The following MDFIC2 variants were observed in gnomAD, a reference collection of about 807,000 sequenced individuals.
The protein encoded by MDFIC2 is MyoD family inhibitor domain containing 2, also known as myoD family inhibitor domain-containing protein 2.
At chr3:70,237,265 A>T (rs1329672594) in intron 2 of MDFIC2, among the ~76,000 whole-genome samples, 1 of 152,222 alleles carries the variant, frequency 6.6e-6, no homozygotes, top group Non-Finnish European at 1.5e-5. Flanking sequence ...GAATTACTGC[A>T]TCATATTCTC....
At chr3:70,287,508 T>C (rs1416257145) in intron 2 of MDFIC2, among the ~76,000 whole-genome samples, 3 of 152,032 alleles carry the variant, frequency 2.0e-5, no homozygotes, top group South Asian at 4.2e-4. Flanking sequence ...AGGATATTGG[T>C]CTAAAATTCT....
At chr3:70,244,062 A>T (rs1384143148) in intron 2 of MDFIC2, among the ~76,000 whole-genome samples, 3 of 152,112 alleles carry the variant, frequency 2.0e-5, no homozygotes, top group African/African-American at 7.2e-5. Context: ...CAGATTTTCC[A>T]CCGTAACTAC....
chr3:70,309,861 G>C (rs907038337), intron 2 of MDFIC2, among the ~76,000 whole-genome samples: 5 of 152,116 alleles, frequency 3.3e-5, no homozygotes, highest in African/African-American at 1.2e-4. Flanking sequence ...AGATTTTATA[G>C]ATTACAAGAA....
chr3:70,305,076 C>T (rs1702386834), intron 2 of MDFIC2, among the ~76,000 whole-genome samples: 1 of 152,098 alleles, frequency 6.6e-6, no homozygotes, highest in African/African-American at 2.4e-5. Context: ...CTTCCTTGAC[C>T]ACTGATTCTA....
rs145687345 is a variant in MDFIC2, at chr3:70,240,377, A to C, written c.89-33587T>G. Among the ~76,000 whole-genome samples the C allele has an allele frequency of 5.2e-3, 798 of 152,208 alleles. 10 individuals carry two copies. The highest frequency in any genetic ancestry group is 0.018 in the African/African-American group (759 of 41,548). On this transcript the variant is annotated intron_variant, in intron 2 of 3. Transcript: ENST00000567252. The stretch of plus-strand genomic sequence containing the variant: ...TCTCCACTTGTGTTTGTGAAGTAGA[A>C]GTGAGCTATGTGGTTTTTTGTCTTT...
intron 2 of MDFIC2, among the ~76,000 whole-genome samples, chr3:70,266,462 C>A (rs550335712): frequency 2.6e-5 from 4 of 151,724 alleles, no homozygotes; most frequent in Non-Finnish European, 5.9e-5. Flanking sequence ...TTTCTGTCAC[C>A]CAGGCTGGAG....
At chr3:70,265,122 T>C (rs1412185485) in intron 2 of MDFIC2, among the ~76,000 whole-genome samples, 1 of 152,128 alleles carries the variant, frequency 6.6e-6, no homozygotes, top group Non-Finnish European at 1.5e-5. Context: ...GTCCCTCCCA[T>C]GACATGTGGG....
intron 2 of MDFIC2, among the ~76,000 whole-genome samples, chr3:70,307,651 G>T (rs115468603): frequency 2.9e-3 from 438 of 152,012 alleles, no homozygotes; most frequent in African/African-American, 0.01. Flanking sequence ...TGTATTAGCC[G>T]TCACCACCCC....
intron 2 of MDFIC2, among the ~76,000 whole-genome samples, chr3:70,291,495 A>G (rs1372880584): frequency 1.3e-5 from 2 of 152,114 alleles, no homozygotes; most frequent in Non-Finnish European, 2.9e-5. Flanking sequence ...TACTTCTCAC[A>G]TTGTATTGTA....
rs147437848 is a variant in MDFIC2, at chr3:70,196,521, A to G, written c.*405T>C. Among the ~76,000 whole-genome samples the G allele has an allele frequency of 2.0e-5, 3 of 152,342 alleles. No homozygotes were observed. The highest frequency in any genetic ancestry group is 7.2e-5 in the African/African-American group (3 of 41,584). On this transcript the variant is annotated 3_prime_UTR_variant, in exon 4 of 4. Coordinates refer to ENST00000567252, the MANE Select transcript of MDFIC2 (RefSeq NM_001364677.1). ...TATGCATGAGTCCATTAGAAAGACG[A>G]GCTAATGTATGTCAATTCTAAAAGA...
intron 2 of MDFIC2, among the ~76,000 whole-genome samples, chr3:70,288,818 C>T (rs1702196070): frequency 6.6e-6 from 1 of 151,722 alleles, no homozygotes; most frequent in Non-Finnish European, 1.5e-5. Flanking sequence ...ATGTAATGGC[C>T]TTCTTTGTCT....
chr3:70,308,391 C>T (rs542080851), intron 2 of MDFIC2, among the ~76,000 whole-genome samples: 5 of 152,076 alleles, frequency 3.3e-5, no homozygotes, highest in African/African-American at 7.2e-5. Flanking sequence ...CTTGTTTATC[C>T]GATTATCTTA....
In MDFIC2 at chr3:70,206,654, G is replaced by A. The variant is rs1260529941; in HGVS notation, c.225C>T (p.Ser75=). The change falls in exon 3 of 4, where the codon AGC becomes AGT. Residue 75 remains serine, a synonymous_variant. Transcript: ENST00000567252. ...ATTCTTCAAGGGAGGACAGTGATGT[G>A]CTGGATTCTGACAGTTTTTTCTCAT... is the stretch of plus-strand genomic sequence containing the variant. The part of the protein sequence containing the change: ...NPNEKKLSES[S]TSLSSLEECQ... The A allele has an allele frequency of 2.5e-6, 1 of 397,758 alleles. No homozygotes were observed. Among genetic ancestry groups the A allele is most frequent in the Non-Finnish European group, 4.4e-6 (1 of 225,602 alleles). 24.6% of individuals were successfully genotyped at this position (397,758 alleles called of 1,614,324 possible).
At chr3:70,216,852 T>G (rs1184625499) in intron 2 of MDFIC2, among the ~76,000 whole-genome samples, 1 of 152,154 alleles carries the variant, frequency 6.6e-6, no homozygotes, top group Non-Finnish European at 1.5e-5. Context: ...CTGGGCTAGA[T>G]GCGCTAGCAT....
chr3:70,277,304 A>T (rs997130083), intron 2 of MDFIC2, among the ~76,000 whole-genome samples: 1 of 152,166 alleles, frequency 6.6e-6, no homozygotes, highest in Non-Finnish European at 1.5e-5. Context: ...TTTATTCTGA[A>T]ACTAACCAAC....
At chr3:70,301,141 T>G (rs192078302) in intron 2 of MDFIC2, among the ~76,000 whole-genome samples, 3 of 152,252 alleles carry the variant, frequency 2.0e-5, no homozygotes, top group Admixed American at 2.0e-4. Flanking sequence ...TCTTTTCTTC[T>G]GAGACACAGC....
intron 2 of MDFIC2, among the ~76,000 whole-genome samples, chr3:70,238,540 T>G (rs1277499620): frequency 1.3e-5 from 2 of 151,402 alleles, no homozygotes; most frequent in Non-Finnish European, 2.9e-5. Context: ...TAAGCCTGGG[T>G]GGTGAAGGCT....
chr3:70,289,811 C>T (rs1043192454), intron 2 of MDFIC2, among the ~76,000 whole-genome samples: 3 of 152,066 alleles, frequency 2.0e-5, no homozygotes, highest in Admixed American at 2.0e-4. Context: ...TCATTCATTT[C>T]ATCTTCCATT....
chr3:70,289,954 C>A (rs1702214571), intron 2 of MDFIC2, among the ~76,000 whole-genome samples: 1 of 152,052 alleles, frequency 6.6e-6, no homozygotes, highest in South Asian at 2.1e-4. Context: ...TCTAGTTATA[C>A]ATTCTTCTAA....
Sources: allele counts gnomAD v4.1 joint callset (sites outside exome capture counted in the v4.1 genomes callset), GRCh38; gene constraint gnomAD v4.1.1; transcripts MANE v1.5; gene names NCBI Gene and HGNC (gene_info 2026-07-23, HGNC 2026-07-21).